Variants in CTIF observed in about 807,000 individuals in gnomAD.
CTIF encodes the protein CBP80/20-dependent translation initiation factor.
CTIF carries 21 observed loss-of-function variants against 66.0 expected under a neutral mutation model. The ratio of observed to expected loss-of-function variants is 0.32; its 90% CI spans 0.23 to 0.46. The LOEUF (loss-of-function observed/expected upper bound fraction) is 0.46, where lower values mean the gene tolerates loss of function less well. CTIF is among the 20% of genes least tolerant of loss of function. The pLI, the probability that CTIF is intolerant of heterozygous loss-of-function variation, is 1.00. For missense variants in CTIF, 739 were observed against 812.7 expected (o/e 0.91, Z 1.10); for synonymous variants, 345 against 326.4 (o/e 1.06, Z -0.62).
chr18:48,860,434 T>C lies in CTIF; in HGVS notation c.*875T>C, dbSNP rs1044420415. ...GCTTGCCAGTAGCCAATTAGGGTAA[T>C]TGGAAACTTCTGCCCCGGCGGGGGG... On this transcript the variant is annotated 3_prime_UTR_variant, in exon 12 of 12. Coordinates refer to ENST00000256413, the MANE Select transcript of CTIF (RefSeq NM_014772.3). 2 of 150,834 alleles carry C rather than the reference T, an allele frequency of 1.3e-5. No homozygotes were observed. The highest frequency in any genetic ancestry group is 6.5e-5 in the Admixed American group (1 of 15,312). The allele number at this position is 150,834 out of a possible 1,614,324, so 9.3% of individuals were successfully genotyped here.
chr18:48,816,129 G>A (rs1249565583), intron 9 of CTIF, among the ~76,000 whole-genome samples: 2 of 152,172 alleles, frequency 1.3e-5, no homozygotes, highest in Admixed American at 6.5e-5. Flanking sequence ...GTGAGGCCCT[G>A]TCGCATATGT....
At chr18:48,816,499 G>GC (rs936638642) in intron 9 of CTIF, among the ~76,000 whole-genome samples, 1 of 152,054 alleles carries the variant, frequency 6.6e-6, no homozygotes, top group Admixed American at 6.5e-5. Context: ...GTATTTCATG[G>GC]CCCCATCCCC....
intron 1 of CTIF, among the ~76,000 whole-genome samples, chr18:48,549,812 G>C (rs577154398): frequency 6.6e-6 from 1 of 152,346 alleles, no homozygotes; most frequent in African/African-American, 2.4e-5. Flanking sequence ...GCCTCATCTA[G>C]AGCAAGAGGC....
chr18:48,568,570 A>C (rs554488660), intron 1 of CTIF, among the ~76,000 whole-genome samples: 1 of 140,334 alleles, frequency 7.1e-6, no homozygotes, highest in African/African-American at 2.7e-5. Flanking sequence ...AGGTGTCAGC[A>C]GGGTTGGTGT....
intron 10 of CTIF, among the ~76,000 whole-genome samples, chr18:48,827,653 T>G (rs1381737857): frequency 6.9e-6 from 1 of 145,508 alleles, no homozygotes; most frequent in Non-Finnish European, 1.5e-5. Context: ...CCGCCTGGAA[T>G]GTTCCTCTGA....
intron 7 of CTIF, among the ~76,000 whole-genome samples, chr18:48,733,550 A>G (rs1329879249): frequency 6.6e-6 from 1 of 152,180 alleles, no homozygotes; most frequent in East Asian, 1.9e-4. Context: ...AGGGAAACAG[A>G]TTGTCGGGCA....
chr18:48,559,021 G>T (rs2089088580), intron 1 of CTIF, among the ~76,000 whole-genome samples: 1 of 152,188 alleles, frequency 6.6e-6, no homozygotes, highest in Non-Finnish European at 1.5e-5. Flanking sequence ...ACTGGACTCA[G>T]CATTTTTAGA....
chr18:48,578,032 T>A (rs2089573443), intron 1 of CTIF, among the ~76,000 whole-genome samples: 1 of 152,256 alleles, frequency 6.6e-6, no homozygotes, highest in African/African-American at 2.4e-5. Flanking sequence ...TCTCTATAGA[T>A]TTGTCTATTC....
At chr18:48,779,392 A>G (rs948163227) in intron 9 of CTIF, among the ~76,000 whole-genome samples, 1 of 152,218 alleles carries the variant, frequency 6.6e-6, no homozygotes, top group Non-Finnish European at 1.5e-5. Flanking sequence ...GGTCAGTGAC[A>G]GACAGAACTG....
chr18:48,604,657 A>G (rs935358072), intron 1 of CTIF, among the ~76,000 whole-genome samples: 1 of 152,142 alleles, frequency 6.6e-6, no homozygotes, highest in Non-Finnish European at 1.5e-5. Context: ...CGATTTATAT[A>G]TTTTATAATT....
chr18:48,812,280 A>T (rs1008230194), intron 9 of CTIF, among the ~76,000 whole-genome samples: 2 of 152,186 alleles, frequency 1.3e-5, no homozygotes, highest in African/African-American at 4.8e-5. Context: ...ACTATTTTTC[A>T]TAGCAACTGC....
chr18:48,648,468 A>AACACACACACACACAC (rs150332855), intron 3 of CTIF, among the ~76,000 whole-genome samples: 6 of 148,468 alleles, frequency 4.0e-5, no homozygotes, highest in South Asian at 2.2e-4. Flanking sequence ...CTTCGTTCTG[A>AACACACACACACACAC]ACACACACAC....
At chr18:48,554,313 C>T (rs1331229582) in intron 1 of CTIF, among the ~76,000 whole-genome samples, 2 of 152,242 alleles carry the variant, frequency 1.3e-5, no homozygotes, top group African/African-American at 4.8e-5. Context: ...AGGACTGGTT[C>T]TCTGAACTGT....
chr18:48,701,762 A>C (rs1328023850), intron 6 of CTIF, among the ~76,000 whole-genome samples: 1 of 152,238 alleles, frequency 6.6e-6, no homozygotes, highest in African/African-American at 2.4e-5. Flanking sequence ...ATTAATAAGT[A>C]AATGTCATTT....
chr18:48,829,483 G>T (rs2068646571), intron 10 of CTIF, among the ~76,000 whole-genome samples: 1 of 152,200 alleles, frequency 6.6e-6, no homozygotes, highest in Non-Finnish European at 1.5e-5. Flanking sequence ...CAAAATATAA[G>T]CCTGCCTGTT....
intron 6 of CTIF, among the ~76,000 whole-genome samples, chr18:48,697,895 G>A (rs1272690023): frequency 1.3e-5 from 2 of 151,510 alleles, no homozygotes; most frequent in African/African-American, 2.4e-5. Flanking sequence ...TGATCCTGCC[G>A]TTGCATCCTA....
intron 6 of CTIF, among the ~76,000 whole-genome samples, chr18:48,678,768 G>A (rs1388284987): frequency 6.6e-6 from 1 of 152,078 alleles, no homozygotes; most frequent in Non-Finnish European, 1.5e-5. Flanking sequence ...TGTGGGCAGC[G>A]AGTACTTTCA....
At chr18:48,648,704 C>G (rs1039051962) in intron 3 of CTIF, among the ~76,000 whole-genome samples, 3 of 152,164 alleles carry the variant, frequency 2.0e-5, no homozygotes, top group Non-Finnish European at 4.4e-5. Context: ...AGTCTGGGGT[C>G]CTCTGGTCCA....
At chr18:48,774,937 G>A (rs1369282686) in intron 9 of CTIF, among the ~76,000 whole-genome samples, 3 of 151,408 alleles carry the variant, frequency 2.0e-5, no homozygotes, top group Non-Finnish European at 4.4e-5. Context: ...GACCCCATTA[G>A]GCAACCGTCA....
Sources: allele counts gnomAD v4.1 joint callset (sites outside exome capture counted in the v4.1 genomes callset), GRCh38; gene constraint gnomAD v4.1.1; transcripts MANE v1.5; gene names NCBI Gene and HGNC (gene_info 2026-07-23, HGNC 2026-07-21).